CDYL2: variants seen among roughly 807,000 people sequenced by gnomAD.
CDYL2 encodes the protein chromodomain Y like 2.
In CDYL2, 23 loss-of-function variants were observed where a neutral mutation model predicts 49.4. The observed-to-expected ratio is 0.47, with a 90% CI of 0.34 to 0.66. CDYL2 has a LOEUF of 0.66. Ranked by LOEUF, CDYL2 falls within the 30% of genes least tolerant of loss-of-function variation. CDYL2 has a pLI of 0.01. For synonymous variants in CDYL2, 360 were observed against 268.8 expected, an observed-to-expected ratio of 1.34 and a Z score of -3.32; for missense variants, 678 against 656.4, an observed-to-expected ratio of 1.03 and a Z score of -0.36.
chr16:80,721,224 CAT>C (rs750006690), intron 1 of CDYL2, among the ~76,000 whole-genome samples: 12 of 152,182 alleles, frequency 7.9e-5, no homozygotes, highest in Admixed American at 2.6e-4. Context: ...GCTGTCTGCA[CAT>C]GTTAGATATT....
intron 2 of CDYL2, among the ~76,000 whole-genome samples, chr16:80,681,647 G>C (rs1203342391): frequency 6.6e-6 from 1 of 152,170 alleles, no homozygotes; most frequent in Non-Finnish European, 1.5e-5. Context: ...AAGGTGAAAG[G>C]CTGATGGTGG....
At chr16:80,792,607 G>A (rs574262150) in intron 1 of CDYL2, among the ~76,000 whole-genome samples, 1 of 152,274 alleles carries the variant, frequency 6.6e-6, no homozygotes, top group East Asian at 1.9e-4. Context: ...AAGGTGACAG[G>A]TGTGTTCTGG....
At position 80,620,991 on chromosome 16, in the gene CDYL2, G is replaced by T. The variant is rs1344041897; in HGVS notation, c.835-56C>A. 6.1e-6 allele frequency: 9 copies of T among 1,475,484 alleles called. No individual in the cohort carries two copies. In the Admixed American group the frequency reaches 9.2e-5, roughly 15 times the overall value. The allele number at this position is 1,475,484 out of a possible 1,614,324, so 91.4% of individuals were successfully genotyped here. A position where few individuals can be genotyped will look rare whatever the true frequency, so the allele number is the denominator to read the frequency against. ...TAAGTGTCTATCCTGTAAGCCTGGG[G>T]CTTTCAGACTGCAAGACAGCCAGAG... On this transcript the variant is annotated intron_variant, in intron 3 of 6. Transcript: ENST00000570137.
chr16:80,632,496 C>A (rs758620628), intron 3 of CDYL2: 16 of 156,544 alleles, frequency 1.0e-4, no homozygotes, highest in Non-Finnish European at 2.1e-4. Context: ...AGTGATGATG[C>A]TTGCACAATC....
chr16:80,653,241 G>A (rs192753700), intron 2 of CDYL2, among the ~76,000 whole-genome samples: 10 of 152,302 alleles, frequency 6.6e-5, no homozygotes, highest in African/African-American at 1.9e-4. Flanking sequence ...CAAGGCAGGC[G>A]GATCACCTGA....
chr16:80,793,364 G>C (rs1407098024), intron 1 of CDYL2, among the ~76,000 whole-genome samples: 3 of 152,144 alleles, frequency 2.0e-5, no homozygotes, highest in Non-Finnish European at 4.4e-5. Context: ...TTTGCTTTAA[G>C]GCACTTTTGT....
chr16:80,732,549 T>C (rs1567588562), intron 1 of CDYL2, among the ~76,000 whole-genome samples: 2 of 152,220 alleles, frequency 1.3e-5, no homozygotes, highest in Admixed American at 1.3e-4. Flanking sequence ...ACTCTAGTTA[T>C]GTCTGGGAGA....
Position 80,775,046 on chromosome 16 carries a change from AT to A in CDYL2, c.24+29103del, listed in dbSNP as rs377661857. On this transcript the variant is annotated intron_variant, in intron 1 of 6. Transcript: ENST00000570137. ...TTATTTCAAATTAGGTAACTATATTATATCTTCATTTCTTGAACATATAATT... is the reference window on the plus strand; with the variant it reads ...TTATTTCAAATTAGGTAACTATATTAATCTTCATTTCTTGAACATATAATT... Among the ~76,000 whole-genome samples, 600 of 152,202 alleles carry A rather than the reference AT, an allele frequency of 3.9e-3. 3 individuals carry two copies. Among genetic ancestry groups the A allele is most frequent in the Middle Eastern group, 0.01 (3 of 294 alleles).
Position 80,685,221 on chromosome 16 carries a change from T to C in CDYL2, c.25-92A>G, listed in dbSNP as rs1317328779. 3.1e-6 allele frequency: 3 copies of C among 979,182 alleles called. No homozygotes were observed. In the African/African-American group the frequency reaches 4.8e-5, roughly 16 times the overall value. 60.7% of individuals were successfully genotyped at this position (979,182 alleles called of 1,614,324 possible). Reference sequence around the variant, plus strand: ...CAAGAACACCATAAAGCCTTTGGGATAGAGGCATCTACCCTAGCCAGGGGG... The same window carrying C: ...CAAGAACACCATAAAGCCTTTGGGACAGAGGCATCTACCCTAGCCAGGGGG... On this transcript the variant is annotated intron_variant, in intron 1 of 6. Transcript: ENST00000570137.
intron 1 of CDYL2, among the ~76,000 whole-genome samples, chr16:80,786,411 G>T (rs1325497533): frequency 6.6e-6 from 1 of 152,184 alleles, no homozygotes; most frequent in Non-Finnish European, 1.5e-5. Context: ...AAACCACAAT[G>T]AGATACCATC....
At chr16:80,613,621 G>A (rs1443826951) in intron 4 of CDYL2, among the ~76,000 whole-genome samples, 2 of 152,192 alleles carry the variant, frequency 1.3e-5, no homozygotes, top group African/African-American at 2.4e-5. Context: ...CTTCTGCACT[G>A]AGCAAGGCAT....
In CDYL2 at chr16:80,633,923, C is replaced by T. The variant is rs147761173; in HGVS notation, c.617-687G>A. Among the ~76,000 whole-genome samples, 1,286 of 152,260 alleles carry T rather than the reference C, an allele frequency of 8.4e-3. 28 individuals carry two copies. Among genetic ancestry groups the T allele is most frequent in the African/African-American group, 0.029 (1,202 of 41,546 alleles). ...AAAACAGAATGATCCAGATGTATAACGGTTCCCAGTCTCCAGCCTCACACA... is the reference window on the plus strand; with the variant it reads ...AAAACAGAATGATCCAGATGTATAATGGTTCCCAGTCTCCAGCCTCACACA... On this transcript the variant is annotated intron_variant, in intron 2 of 6. Transcript: ENST00000570137.
At chr16:80,803,878 A>C in intron 1 of CDYL2, among the ~76,000 whole-genome samples, 2 of 142,858 alleles carry the variant, frequency 1.4e-5, no homozygotes, top group Non-Finnish European at 3.1e-5. Flanking sequence ...CTTCCCCTCC[A>C]AGGCCGCAAA....
chr16:80,664,471 G>A (rs566890172), intron 2 of CDYL2, among the ~76,000 whole-genome samples: 1 of 152,288 alleles, frequency 6.6e-6, no homozygotes, highest in Admixed American at 6.5e-5. Flanking sequence ...GGTCACTGGG[G>A]ACCAGCTGAT....
At chr16:80,666,315 C>T (rs537250030) in intron 2 of CDYL2, among the ~76,000 whole-genome samples, 2 of 152,232 alleles carry the variant, frequency 1.3e-5, no homozygotes, top group African/African-American at 4.8e-5. Flanking sequence ...GTAACTGGGA[C>T]GTCTATTAAG....
At chr16:80,683,510 C>G (rs893774977) in intron 2 of CDYL2, among the ~76,000 whole-genome samples, 2 of 152,210 alleles carry the variant, frequency 1.3e-5, no homozygotes, top group African/African-American at 4.8e-5. Context: ...AGGAGGAATT[C>G]CATAACCTAA....
chr16:80,702,342 T>C (rs1023007480), intron 1 of CDYL2, among the ~76,000 whole-genome samples: 3 of 152,154 alleles, frequency 2.0e-5, no homozygotes, highest in Non-Finnish European at 4.4e-5. Flanking sequence ...ATGTATCCCA[T>C]TTTTTAGAAG....
rs1405389031 is a variant in CDYL2 at position 80,684,781 on chromosome 16, A to G, written c.373T>C (p.Ser125Pro). The change falls in exon 2 of 7, where the codon TCT (serine) becomes CCT (proline). Residue 125 changes from serine (S) to proline (P), a missense_variant. Ser to Pro is a moderately conservative substitution (Grantham distance 74). Around this residue, in one of 3 missense-constraint regions of CDYL2, gnomAD observed 478 missense variants for 427.0 expected, o/e 1.12. Coordinates refer to ENST00000570137, the MANE Select transcript of CDYL2 (RefSeq NM_152342.4). ...KPKKGYSGKPSSGGDRATKTV... is the reference protein window; with the variant it reads ...KPKKGYSGKPPSGGDRATKTV... ...TTGGTGGCCCTGTCACCTCCTGAAG[A>G]GGGCTTGCCTGAATACCCTTTTTTT... 3.1e-6 allele frequency: 5 copies of G among 1,614,158 alleles called. No individual in the cohort carries two copies. The highest frequency in any genetic ancestry group is 4.2e-6 in the Non-Finnish European group (5 of 1,180,040).
At chr16:80,667,007 C>G (rs1161398401) in intron 2 of CDYL2, among the ~76,000 whole-genome samples, 1 of 152,218 alleles carries the variant, frequency 6.6e-6, no homozygotes, top group Non-Finnish European at 1.5e-5. Context: ...GTGACCACTA[C>G]AAACCGAGGT....
Sources: allele counts gnomAD v4.1 joint callset (sites outside exome capture counted in the v4.1 genomes callset), GRCh38; gene constraint gnomAD v4.1.1; regional missense constraint gnomAD v4.1.1; transcripts MANE v1.5; gene names NCBI Gene and HGNC (gene_info 2026-07-23, HGNC 2026-07-21).